The following ZNF93 variants were observed in gnomAD, a reference collection of about 807,000 sequenced individuals.
The protein encoded by ZNF93 is zinc finger protein 93.
ZNF93 carries 29 observed loss-of-function variants against 45.0 expected under a neutral mutation model. The ratio of observed to expected loss-of-function variants is 0.64; its 90% CI spans 0.48 to 0.88. The LOEUF is 0.88. Among genes scored for constraint, ZNF93 ranks in the 40% least tolerant of loss-of-function variants. ZNF93 has a pLI of 0.00. For missense variants in ZNF93, 578 were observed against 724.0 expected (o/e 0.80, Z 2.31); for synonymous variants, 223 against 244.6 (o/e 0.91, Z 0.82).
chr19:19,914,063 T>C (rs193252604), intron 1 of ZNF93, among the ~76,000 whole-genome samples: 9 of 152,366 alleles, frequency 5.9e-5, no homozygotes, highest in Admixed American at 3.3e-4. Flanking sequence ...TAGCTTCTTA[T>C]ATGCCATGCA....
At chr19:19,910,205 A>G (rs1177325571) in intron 1 of ZNF93, among the ~76,000 whole-genome samples, 1 of 150,212 alleles carries the variant, frequency 6.7e-6, no homozygotes, top group Non-Finnish European at 1.5e-5. Context: ...TTTTGAATCC[A>G]GGTCTTGAGA....
intron 1 of ZNF93, among the ~76,000 whole-genome samples, chr19:19,912,602 C>T (rs1339195507): frequency 2.0e-5 from 3 of 150,782 alleles, no homozygotes; most frequent in Admixed American, 6.6e-5. Context: ...CTGCACAAGT[C>T]AAAAAAGTAA....
intron 3 of ZNF93, among the ~76,000 whole-genome samples, chr19:19,921,276 T>C (rs1373931933): frequency 5.3e-5 from 8 of 152,210 alleles, no homozygotes; most frequent in Non-Finnish European, 1.2e-4. Context: ...TAATCCTGAG[T>C]TCTAGTTTGA....
chr19:19,925,709 C>T (rs2063353943), intron 3 of ZNF93, among the ~76,000 whole-genome samples: 1 of 152,102 alleles, frequency 6.6e-6, no homozygotes, highest in Non-Finnish European at 1.5e-5. Context: ...AAAGGATTTT[C>T]ATCTACTTAC....
At chr19:19,927,540 C>T (rs1344601531) in intron 3 of ZNF93, among the ~76,000 whole-genome samples, 1 of 152,142 alleles carries the variant, frequency 6.6e-6, no homozygotes, top group Non-Finnish European at 1.5e-5. Context: ...ATTTTGACTA[C>T]TTAAGATATC....
chr19:19,916,794 G>A (rs2063325712), intron 3 of ZNF93, 139 bp downstream of exon 3: 2 of 616,140 alleles, frequency 3.2e-6, no homozygotes, highest in Non-Finnish European at 5.5e-6. Context: ...TTTTGTTTTT[G>A]TTTCTGTTTT....
intron 1 of ZNF93, among the ~76,000 whole-genome samples, chr19:19,913,504 T>G (rs1568508304): frequency 6.6e-6 from 1 of 152,166 alleles, no homozygotes; most frequent in South Asian, 2.1e-4. Flanking sequence ...CCTATTCTAT[T>G]TGGGTTTGGT....
intron 3 of ZNF93, among the ~76,000 whole-genome samples, chr19:19,918,896 G>A (rs1382202823): frequency 6.6e-6 from 1 of 151,634 alleles, no homozygotes; most frequent in Non-Finnish European, 1.5e-5. Flanking sequence ...CTCCCATTCT[G>A]TAGGTTGCCT....
intron 1 of ZNF93, among the ~76,000 whole-genome samples, chr19:19,913,488 A>G (rs940557460): frequency 6.6e-6 from 1 of 151,838 alleles, no homozygotes; most frequent in Admixed American, 6.5e-5. Flanking sequence ...GAGGGTGGTC[A>G]CAGGGCCTAT....
chr19:19,922,914 G>A (rs11668581), intron 3 of ZNF93, among the ~76,000 whole-genome samples: 23,430 of 151,996 alleles, frequency 0.15, 2,071 homozygotes, highest in East Asian at 0.41. Flanking sequence ...AAGTTTGATC[G>A]TCTGAAGCCT....
At position 19,934,911 on chromosome 19, in the gene ZNF93, C is replaced by T; in HGVS notation, c.*93C>T. 7.3e-7 allele frequency: 1 copy of T among 1,360,810 alleles called. No homozygotes were observed. The highest frequency in any genetic ancestry group is 9.9e-7 in the Non-Finnish European group (1 of 1,005,116). 84.3% of individuals were successfully genotyped at this position (1,360,810 alleles called of 1,614,324 possible). On this transcript the variant is annotated 3_prime_UTR_variant, in exon 4 of 4. Transcript: ENST00000343769. ...CTTACTCTGTAACCATCCCAAACTC[C>T]TCCCAGGCACAGTCTGGCAGAGGTC...
chr19:19,901,324 C>T (rs552649017), intron 1 of ZNF93, among the ~76,000 whole-genome samples: 1 of 152,306 alleles, frequency 6.6e-6, no homozygotes, highest in Non-Finnish European at 1.5e-5. Context: ...GGCTTGGAGC[C>T]CTCGCTGGGC....
At position 19,925,768 on chromosome 19, in the gene ZNF93, T is replaced by G. The variant is rs964747857; in HGVS notation, c.227-7414T>G. On this transcript the variant is annotated intron_variant, in intron 3 of 3. Coordinates refer to ENST00000343769, the MANE Select transcript of ZNF93 (RefSeq NM_031218.4). ...TATACTTTATTTTCTAATATTTGTT[T>G]TACATATCAGAGGGTCTAACCCTAT... Among the ~76,000 whole-genome samples the G allele has an allele frequency of 5.9e-5, 9 of 152,260 alleles. No individual in the cohort carries two copies. The East Asian group carries it at 1.7e-3, about 29-fold the overall frequency.
In ZNF93 at chr19:19,903,662, A is replaced by C. The variant is rs916034815; in HGVS notation, c.3+2571A>C. On this transcript the variant is annotated intron_variant, in intron 1 of 3. Coordinates refer to ENST00000343769, the MANE Select transcript of ZNF93 (RefSeq NM_031218.4). ...CCACCTGTATTCCCAGCTACTCAGG[A>C]GGCTGAGGCAGGAGAATCGCTAGAA... Among the ~76,000 whole-genome samples the C allele has an allele frequency of 6.6e-5, 10 of 152,222 alleles. No individual in the cohort carries two copies. The South Asian group carries it at 2.1e-3, about 32-fold the overall frequency.
intron 3 of ZNF93, among the ~76,000 whole-genome samples, chr19:19,926,816 G>C (rs951328742): frequency 1.3e-5 from 2 of 152,082 alleles, no homozygotes; most frequent in African/African-American, 4.8e-5. Flanking sequence ...ATGTATATGT[G>C]TATATCTATA....
rs2063383853 is a variant in ZNF93, at chr19:19,934,005, T to A, written c.1050T>A (p.Phe350Leu). The A allele has an allele frequency of 1.2e-6, 2 of 1,612,962 alleles. No homozygotes were observed. Among genetic ancestry groups the A allele is most frequent in the African/African-American group, 2.7e-5 (2 of 74,876 alleles). The stretch of plus-strand genomic sequence containing the variant: ...AGTGTAATAAATGTGGCAAAGCCTT[T>A]ATTGCATCCTCAACCCTTAGTAGAC... ...PYKCNKCGKAFIASSTLSRHE... is the reference protein window; with the variant it reads ...PYKCNKCGKALIASSTLSRHE... Residue 350 changes from phenylalanine (F) to leucine (L), a missense_variant, in exon 4 of 4, where the codon TTT becomes TTA. Around this residue, in one of 3 missense-constraint regions of ZNF93, gnomAD observed 446 missense variants for 547.6 expected, o/e 0.81. Coordinates refer to ENST00000343769, the MANE Select transcript of ZNF93 (RefSeq NM_031218.4).
At position 19,934,676 on chromosome 19, in the gene ZNF93, T is replaced by G. The variant is rs1004602783; in HGVS notation, c.1721T>G (p.Phe574Cys). The G allele has an allele frequency of 2.5e-6, 4 of 1,613,802 alleles. No homozygotes were observed. The highest frequency in any genetic ancestry group is 3.4e-6 in the Non-Finnish European group (4 of 1,179,840). ...PYRCRECGKA[F>C]NHSATLSSHK... Reference sequence around the variant, plus strand: ...AGATGTAGAGAATGTGGCAAAGCTTTTAACCATTCTGCAACCCTTTCTTCA... The same window carrying G: ...AGATGTAGAGAATGTGGCAAAGCTTGTAACCATTCTGCAACCCTTTCTTCA... Residue 574 changes from phenylalanine to cysteine, a missense_variant, in exon 4 of 4, where the codon TTT (phenylalanine) becomes TGT (cysteine). Physicochemically the swap from Phe to Cys is radical, Grantham distance 205. Coordinates refer to ENST00000343769, the MANE Select transcript of ZNF93 (RefSeq NM_031218.4).
chr19:19,931,149 T>TTA (rs898008538), intron 3 of ZNF93, among the ~76,000 whole-genome samples: 4 of 149,192 alleles, frequency 2.7e-5, no homozygotes, highest in Admixed American at 6.7e-5. Context: ...ATAATTTTAT[T>TTA]TATATATATA....
chr19:19,903,504 G>C (rs1246949935), intron 1 of ZNF93, among the ~76,000 whole-genome samples: 1 of 148,116 alleles, frequency 6.8e-6, no homozygotes, highest in African/African-American at 2.4e-5. Flanking sequence ...GGGATTACCA[G>C]TGCTGGTAAT....
Sources: allele counts gnomAD v4.1 joint callset (sites outside exome capture counted in the v4.1 genomes callset), GRCh38; gene constraint gnomAD v4.1.1; regional missense constraint gnomAD v4.1.1; transcripts MANE v1.5; gene names NCBI Gene and HGNC (gene_info 2026-07-23, HGNC 2026-07-21).